Variants in TRAPPC9 observed in about 807,000 individuals in gnomAD.
TRAPPC9 encodes the protein IKK2 binding protein.
Under a neutral mutation model 124.0 loss-of-function variants are expected in TRAPPC9, and 83 were observed. The observed-to-expected ratio is 0.67, with a 90% CI of 0.56 to 0.80. The LOEUF is 0.80. Ranked by LOEUF, TRAPPC9 falls within the 30% of genes least tolerant of loss-of-function variation. The probability of loss-of-function intolerance (pLI) is 0.00; values close to 1 mark genes in which losing one functional copy is unlikely to be tolerated. For synonymous variants in TRAPPC9, 638 were observed against 617.5 expected, an observed-to-expected ratio of 1.03 and a Z score of -0.49; for missense variants, 1,302 against 1,508.3, an observed-to-expected ratio of 0.86 and a Z score of 2.27.
intron 16 of TRAPPC9, among the ~76,000 whole-genome samples, chr8:140,228,870 G>A (rs2063515182): frequency 1.3e-5 from 2 of 152,148 alleles, no homozygotes; most frequent in South Asian, 4.1e-4. Flanking sequence ...TTTGAGGGTA[G>A]GGGGGAAGAT....
At chr8:139,970,797 C>T (rs1372264036) in intron 19 of TRAPPC9, among the ~76,000 whole-genome samples, 1 of 152,152 alleles carries the variant, frequency 6.6e-6, no homozygotes, top group Non-Finnish European at 1.5e-5. Flanking sequence ...ATGCGCAGCC[C>T]AGTGCCCTTT....
chr8:139,768,910 G>A (rs1207474559), intron 21 of TRAPPC9, among the ~76,000 whole-genome samples: 1 of 152,104 alleles, frequency 6.6e-6, no homozygotes, highest in Non-Finnish European at 1.5e-5. Flanking sequence ...CTCTCGGACT[G>A]GTGTCATTAT....
intron 19 of TRAPPC9, among the ~76,000 whole-genome samples, chr8:139,918,731 AC>A (rs1832311683): frequency 6.6e-6 from 1 of 152,146 alleles, no homozygotes; most frequent in African/African-American, 2.4e-5. Flanking sequence ...TTATTTTAGG[AC>A]CTTTAAGTAT....
chr8:140,404,046 G>A (rs1252467696), intron 6 of TRAPPC9, among the ~76,000 whole-genome samples: 3 of 152,100 alleles, frequency 2.0e-5, no homozygotes, highest in Non-Finnish European at 4.4e-5. Flanking sequence ...TGTATGCATA[G>A]GGGCATTTAT....
At position 140,218,757 on chromosome 8, in the gene TRAPPC9, C is replaced by T. The variant is rs144159764; in HGVS notation, c.2556+2702G>A. The stretch of plus-strand genomic sequence containing the variant: ...GGTGGATCACTTGAGGTCAAGAGTT[C>T]GAGACCAGCCTGGTCAACATGGTGA... On this transcript the variant is annotated intron_variant, in intron 17 of 22. Coordinates refer to ENST00000438773, the MANE Select transcript of TRAPPC9 (RefSeq NM_001160372.4). 4.0e-3 allele frequency among the ~76,000 whole-genome samples: 615 copies of T among 152,076 alleles called. 5 individuals are homozygous for T. Among genetic ancestry groups the T allele is most frequent in the Middle Eastern group, 0.014 (4 of 292 alleles).
chr8:140,255,771 G>A (rs1481579866), intron 15 of TRAPPC9, among the ~76,000 whole-genome samples: 1 of 152,140 alleles, frequency 6.6e-6, no homozygotes, highest in African/African-American at 2.4e-5. Flanking sequence ...CTGTAGTCCT[G>A]GCTATTCAGG....
chr8:140,023,156 C>T (rs188774958), intron 18 of TRAPPC9, among the ~76,000 whole-genome samples: 9 of 152,184 alleles, frequency 5.9e-5, no homozygotes, highest in Admixed American at 3.9e-4. Flanking sequence ...AGGACGAGCT[C>T]GGAGGTGAAG....
intron 21 of TRAPPC9, among the ~76,000 whole-genome samples, chr8:139,794,102 G>C (rs955336078): frequency 1.3e-5 from 2 of 151,554 alleles, no homozygotes; most frequent in South Asian, 4.2e-4. Flanking sequence ...CTGCTCTGCT[G>C]TTCTTCATGG....
chr8:139,935,159 G>A (rs1338007360), intron 19 of TRAPPC9, among the ~76,000 whole-genome samples: 1 of 152,204 alleles, frequency 6.6e-6, no homozygotes, highest in Non-Finnish European at 1.5e-5. Flanking sequence ...GTGAATGAAA[G>A]CCTACTGATG....
At chr8:140,388,530 A>T (rs1360446886) in intron 7 of TRAPPC9, among the ~76,000 whole-genome samples, 1 of 152,118 alleles carries the variant, frequency 6.6e-6, no homozygotes, top group Non-Finnish European at 1.5e-5. Context: ...TTAAAAATAC[A>T]AAATTAGTCG....
chr8:140,419,450 A>AAACAG (rs1564011587), intron 5 of TRAPPC9, among the ~76,000 whole-genome samples: 6 of 140,170 alleles, frequency 4.3e-5, no homozygotes, highest in Non-Finnish European at 7.6e-5. Flanking sequence ...AAAAAAAAAA[A>AAACAG]AACAAAACAA....
intron 21 of TRAPPC9, among the ~76,000 whole-genome samples, chr8:139,806,868 G>A (rs369348987): frequency 7.9e-5 from 12 of 152,214 alleles, no homozygotes; most frequent in East Asian, 3.9e-4. Flanking sequence ...GCACACGCAC[G>A]GGGGAGAAGC....
At chr8:139,752,904 T>C (rs968834100) in intron 21 of TRAPPC9, among the ~76,000 whole-genome samples, 41 of 139,310 alleles carry the variant, frequency 2.9e-4, no homozygotes, top group Middle Eastern at 5.4e-3. Context: ...TCCACCCATC[T>C]AGCATCCATC....
intron 19 of TRAPPC9, among the ~76,000 whole-genome samples, chr8:139,934,857 A>G (rs994001714): frequency 2.0e-5 from 3 of 152,210 alleles, no homozygotes; most frequent in Non-Finnish European, 4.4e-5. Flanking sequence ...TCAGACTCTC[A>G]GACTTGAGAT....
intron 18 of TRAPPC9, among the ~76,000 whole-genome samples, chr8:140,008,121 T>G (rs954480635): frequency 1.3e-5 from 2 of 152,160 alleles, no homozygotes; most frequent in African/African-American, 2.4e-5. Context: ...CAACAAAATG[T>G]GTGTTCATCA....
intron 19 of TRAPPC9, among the ~76,000 whole-genome samples, chr8:139,926,940 A>G (rs1309140161): frequency 1.3e-5 from 2 of 152,264 alleles, no homozygotes; most frequent in Non-Finnish European, 2.9e-5. Context: ...ATCCAAGACT[A>G]TATAAAGAAA....
In TRAPPC9 at chr8:140,380,497, T is replaced by C. The variant is rs539645189; in HGVS notation, c.1135-9317A>G. On this transcript the variant is annotated intron_variant, in intron 7 of 22. Transcript: ENST00000438773. ...AGTGAAACCCTGTCTCTACTAAACA[T>C]AGAAAAAATTAGCCAGGCCTTGTGG... Among the ~76,000 whole-genome samples, 11 of 151,052 alleles carry C rather than the reference T, an allele frequency of 7.3e-5. No homozygotes were observed. In the East Asian group the frequency reaches 7.9e-4, roughly 11 times the overall value.
intron 18 of TRAPPC9, among the ~76,000 whole-genome samples, chr8:139,989,333 C>T (rs910887986): frequency 9.2e-5 from 14 of 152,372 alleles, no homozygotes; most frequent in Middle Eastern, 3.4e-3. Flanking sequence ...ACATCCAGCA[C>T]GAGCTTCTCC....
chr8:140,012,647 G>T (rs986217182), intron 18 of TRAPPC9, among the ~76,000 whole-genome samples: 1 of 152,222 alleles, frequency 6.6e-6, no homozygotes, highest in African/African-American at 2.4e-5. Context: ...GCATCCTGCT[G>T]GTCAGGCCGA....
Sources: gnomAD v4.1 joint callset for allele counts (sites outside exome capture counted in the v4.1 genomes callset) on GRCh38, gnomAD v4.1.1 for gene constraint, MANE v1.5 for transcripts, NCBI Gene and HGNC (gene_info 2026-07-23, HGNC 2026-07-21) for gene names.